Variants in KPNA4 observed in about 807,000 individuals in gnomAD.
KPNA4 encodes the protein karyopherin subunit alpha 4, also known as importin subunit alpha-3.
Under a neutral mutation model 71.3 loss-of-function variants are expected in KPNA4, and 13 were observed. The observed-to-expected ratio is 0.18, with a 90% CI of 0.12 to 0.29. KPNA4 has a LOEUF of 0.29. Among genes scored for constraint, KPNA4 ranks in the 10% least tolerant of loss-of-function variants. The pLI, the probability that KPNA4 is intolerant of heterozygous loss-of-function variation, is 1.00. For synonymous variants in KPNA4, 189 were observed against 195.2 expected (o/e 0.97, Z 0.26); for missense variants, 334 against 603.2 (o/e 0.55, Z 4.67).
chr3:160,539,998 C>CTTTT (rs376611861), intron 1 of KPNA4, among the ~76,000 whole-genome samples: 3 of 129,328 alleles, frequency 2.3e-5, no homozygotes, highest in South Asian at 2.4e-4. Context: ...TTTTTCTTTT[C>CTTTT]TTTTTTTTTT....
At position 160,552,424 on chromosome 3, in the gene KPNA4, TA is replaced by T. The variant is rs555058528; in HGVS notation, c.69+12789del. On this transcript the variant is annotated intron_variant, in intron 1 of 16. Coordinates refer to ENST00000334256, the MANE Select transcript of KPNA4 (RefSeq NM_002268.5). ...TAATCAGAGTACCCTCCTGTTTTCT[TA>T]AAAAAAAAATTTCATTTAATTCCCT... is the stretch of plus-strand genomic sequence containing the variant. Among the ~76,000 whole-genome samples the T allele has an allele frequency of 4.2e-3, 626 of 150,586 alleles. 4 individuals carry two copies. Among genetic ancestry groups the T allele is most frequent in the African/African-American group, 0.015 (602 of 41,090 alleles).
chr3:160,511,024 C>G (rs1721081442), intron 13 of KPNA4, among the ~76,000 whole-genome samples: 2 of 152,084 alleles, frequency 1.3e-5, no homozygotes, highest in South Asian at 4.1e-4. Flanking sequence ...CTCCTGACCT[C>G]AAGTGATCTG....
In KPNA4 at chr3:160,521,929, A is replaced by G. The variant is rs775350269; in HGVS notation, c.772-19T>C. The G allele has an allele frequency of 1.3e-6, 2 of 1,583,460 alleles. No individual in the cohort carries two copies. The highest frequency in any genetic ancestry group is 8.6e-7 in the Non-Finnish European group (1 of 1,168,416). ...CCAGTATCTAATGAATAAAATAAAA[A>G]TTCAAACAACTTTTAAATATTTTCT... On this transcript the variant is annotated intron_variant, in intron 10 of 16. Coordinates refer to ENST00000334256, the MANE Select transcript of KPNA4 (RefSeq NM_002268.5).
In KPNA4 at chr3:160,565,466, C is replaced by A. The variant is rs1230376488; in HGVS notation, c.-184G>T. The stretch of plus-strand genomic sequence containing the variant: ...CTCCTCTCCCCGCCCGCCCCCCCGC[C>A]CTAACCCCAGCGCGACTGCAGCTCC... On this transcript the variant is annotated 5_prime_UTR_variant, in exon 1 of 17. Coordinates refer to ENST00000334256, the MANE Select transcript of KPNA4 (RefSeq NM_002268.5). The A allele has an allele frequency of 1.7e-6, 1 of 581,202 alleles. No individual in the cohort carries two copies. Among genetic ancestry groups the A allele is most frequent in the East Asian group, 3.1e-5 (1 of 32,432 alleles). 36.0% of individuals were successfully genotyped at this position (581,202 alleles called of 1,614,324 possible). A position where few individuals can be genotyped will look rare whatever the true frequency, so the allele number is the denominator to read the frequency against.
chr3:160,541,685 C>T (rs1721802189), intron 1 of KPNA4, among the ~76,000 whole-genome samples: 1 of 131,996 alleles, frequency 7.6e-6, no homozygotes, highest in Admixed American at 7.3e-5. Context: ...ACACACACGC[C>T]TTCCCTCCCC....
intron 11 of KPNA4, among the ~76,000 whole-genome samples, chr3:160,520,115 A>G (rs1721316377): frequency 6.6e-6 from 1 of 152,202 alleles, no homozygotes; most frequent in Non-Finnish European, 1.5e-5. Context: ...TTTCTGGAAA[A>G]ACAAAAAACA....
intron 5 of KPNA4, among the ~76,000 whole-genome samples, chr3:160,532,200 A>G (rs1402230411): frequency 6.6e-6 from 1 of 152,250 alleles, no homozygotes; most frequent in Non-Finnish European, 1.5e-5. Flanking sequence ...TTTTGGACAT[A>G]ATTTTGAGTT....
At chr3:160,553,986 TAAG>T (rs777357060) in intron 1 of KPNA4, among the ~76,000 whole-genome samples, 2 of 152,182 alleles carry the variant, frequency 1.3e-5, no homozygotes, top group Non-Finnish European at 2.9e-5. Context: ...GTAAACTTCA[TAAG>T]AATAGGAACT....
At chr3:160,545,108 A>G (rs146342447) in intron 1 of KPNA4, among the ~76,000 whole-genome samples, 146 of 152,306 alleles carry the variant, frequency 9.6e-4, no homozygotes, top group African/African-American at 3.4e-3. Flanking sequence ...GTCTACTTCT[A>G]TTACATATTC....
intron 14 of KPNA4, 64 bp from the exon 15 acceptor site, chr3:160,508,333 A>C: frequency 8.3e-7 from 1 of 1,199,896 alleles, no homozygotes. Context: ...ATGTTATCTC[A>C]CTGGAATAAT....
chr3:160,533,614 T>C (rs575408082), intron 5 of KPNA4, among the ~76,000 whole-genome samples: 28 of 152,118 alleles, frequency 1.8e-4, no homozygotes, highest in Non-Finnish European at 3.5e-4. Flanking sequence ...GTGAATAATA[T>C]AATTTTTACA....
In KPNA4 at chr3:160,495,751, C is replaced by T. The variant is rs769816821; in HGVS notation, c.*6353G>A. 2.0e-5 allele frequency: 3 copies of T among 150,804 alleles called. No homozygotes were observed. Among genetic ancestry groups the T allele is most frequent in the African/African-American group, 4.9e-5 (2 of 40,918 alleles). 9.3% of individuals were successfully genotyped at this position (150,804 alleles called of 1,614,324 possible). ...ATACCCATTTATGAAGGCAGCACATCGGCAAGTAAAAATGTAAGTGAAGGT... is the reference window on the plus strand; with the variant it reads ...ATACCCATTTATGAAGGCAGCACATTGGCAAGTAAAAATGTAAGTGAAGGT... On this transcript the variant is annotated 3_prime_UTR_variant, in exon 17 of 17. Coordinates refer to ENST00000334256, the MANE Select transcript of KPNA4 (RefSeq NM_002268.5).
rs1282813936 is a variant in KPNA4, at chr3:160,495,479, TGTAGGTAACTTAGCTATCCTA to T, written c.*6604_*6624del. ...TCTGAATTAGACCGAACAGTCACCA[TGTAGGTAACTTAGCTATCCTA>T]GATCATCCTAAACTGGTTAAAAGGA... On this transcript the variant is annotated 3_prime_UTR_variant, in exon 17 of 17. Transcript: ENST00000334256. The T allele has an allele frequency of 6.6e-6, 1 of 151,820 alleles. No individual in the cohort carries two copies. The highest frequency in any genetic ancestry group is 1.5e-5 in the Non-Finnish European group (1 of 68,004). 9.4% of individuals were successfully genotyped at this position (151,820 alleles called of 1,614,324 possible).
chr3:160,530,348 A>T (rs1201880529), intron 7 of KPNA4, among the ~76,000 whole-genome samples: 1 of 151,908 alleles, frequency 6.6e-6, no homozygotes, highest in East Asian at 1.9e-4. Context: ...GCACAGTGGC[A>T]CATGCCTGTA....
In KPNA4 at chr3:160,502,090, T is replaced by A. The variant is rs752154366; in HGVS notation, c.*14A>T. The A allele has an allele frequency of 7.0e-7, 1 of 1,436,964 alleles. No homozygotes were observed. The highest frequency in any genetic ancestry group is 1.2e-5 in the South Asian group (1 of 82,032). 89.0% of individuals were successfully genotyped at this position (1,436,964 alleles called of 1,614,324 possible). A position where few individuals can be genotyped will look rare whatever the true frequency, so the allele number is the denominator to read the frequency against. On this transcript the variant is annotated 3_prime_UTR_variant, in exon 17 of 17. Transcript: ENST00000334256. ...TCTCAGTGCTGCATTGTACCTAACT[T>A]CCACAACATCTTTCTAAAACTGGAA...
At chr3:160,562,342 G>A (rs1233301990) in intron 1 of KPNA4, among the ~76,000 whole-genome samples, 1 of 152,082 alleles carries the variant, frequency 6.6e-6, no homozygotes, top group African/African-American at 2.4e-5. Context: ...AAATTCACTG[G>A]TCCATACTTC....
intron 12 of KPNA4, among the ~76,000 whole-genome samples, chr3:160,514,393 C>A (rs1721160217): frequency 6.6e-6 from 1 of 152,146 alleles, no homozygotes; most frequent in Admixed American, 6.5e-5. Flanking sequence ...AATGAACTAA[C>A]CCTTCGGAAG....
intron 1 of KPNA4, among the ~76,000 whole-genome samples, chr3:160,541,949 C>A (rs1721807407): frequency 6.6e-6 from 1 of 152,076 alleles, no homozygotes; most frequent in South Asian, 2.1e-4. Context: ...ATTTAATACA[C>A]GTATTAATAA....
intron 14 of KPNA4, among the ~76,000 whole-genome samples, chr3:160,508,646 A>T (rs1221913794): frequency 1.3e-5 from 2 of 152,080 alleles, no homozygotes; most frequent in Non-Finnish European, 2.9e-5. Context: ...TTAATTAAAT[A>T]TAGAGAGATG....
Sources: gnomAD v4.1 joint callset for allele counts (sites outside exome capture counted in the v4.1 genomes callset) on GRCh38, gnomAD v4.1.1 for gene constraint, MANE v1.5 for transcripts, NCBI Gene and HGNC (gene_info 2026-07-23, HGNC 2026-07-21) for gene names.